CPNE4: variants seen among roughly 807,000 people sequenced by gnomAD.
The protein encoded by CPNE4 is copine 4, also known as copine-4.
In CPNE4, 25 loss-of-function variants were observed where a neutral mutation model predicts 67.9. The ratio of observed to expected loss-of-function variants is 0.37; its 90% CI spans 0.27 to 0.51. The LOEUF is 0.51. Among genes scored for constraint, CPNE4 ranks in the 20% least tolerant of loss-of-function variants. The pLI, the probability that CPNE4 is intolerant of heterozygous loss-of-function variation, is 0.93. For synonymous variants in CPNE4, 242 were observed against 244.9 expected (o/e 0.99, Z 0.11); for missense variants, 464 against 690.8 (o/e 0.67, Z 3.68).
intron 2 of CPNE4, among the ~76,000 whole-genome samples, chr3:131,872,195 T>G (rs62280914): frequency 0.2 from 29,938 of 150,438 alleles, 3,579 homozygotes; most frequent in Non-Finnish European, 0.27. Context: ...TGTGTGTGTG[T>G]AGAGAGAGAG....
At chr3:131,569,777 T>C (rs1937240569) in intron 10 of CPNE4, among the ~76,000 whole-genome samples, 1 of 151,876 alleles carries the variant, frequency 6.6e-6, no homozygotes, top group South Asian at 2.1e-4. Flanking sequence ...AAGGTCAGTC[T>C]GGGAGAAGTT....
At chr3:131,702,346 G>A (rs2081321302) in intron 3 of CPNE4, among the ~76,000 whole-genome samples, 1 of 152,176 alleles carries the variant, frequency 6.6e-6, no homozygotes, top group African/African-American at 2.4e-5. Flanking sequence ...TAAGAATAGA[G>A]TGGTAAGTAA....
intron 2 of CPNE4, among the ~76,000 whole-genome samples, chr3:131,780,175 A>G (rs1176288667): frequency 3.3e-5 from 5 of 152,274 alleles, no homozygotes; most frequent in African/African-American, 9.6e-5. Context: ...AAAAGTCAAA[A>G]AATAACAGAT....
chr3:131,788,283 A>C (rs980020860), intron 2 of CPNE4, among the ~76,000 whole-genome samples: 1 of 152,146 alleles, frequency 6.6e-6, no homozygotes, highest in Non-Finnish European at 1.5e-5. Context: ...CATATTCTTA[A>C]TAAATAAAGA....
chr3:131,815,325 A>T (rs897537940), intron 2 of CPNE4, among the ~76,000 whole-genome samples: 8 of 152,186 alleles, frequency 5.3e-5, no homozygotes, highest in Non-Finnish European at 1.0e-4. Context: ...ATGGGAAAAA[A>T]AATTCTTTGG....
chr3:131,820,163 A>T (rs1583264643), intron 2 of CPNE4, among the ~76,000 whole-genome samples: 1 of 152,336 alleles, frequency 6.6e-6, no homozygotes, highest in African/African-American at 2.4e-5. Context: ...TTCCCCTGAA[A>T]GCAGATTCTG....
intron 1 of CPNE4, among the ~76,000 whole-genome samples, chr3:131,995,135 C>T (rs2073258318): frequency 6.6e-6 from 1 of 152,120 alleles, no homozygotes; most frequent in South Asian, 2.1e-4. Context: ...CATGAGCCAC[C>T]ATGCCCAGCT....
chr3:131,953,245 A>ATAAAAAAAAAAAAAAAAT (rs767398343), intron 1 of CPNE4, among the ~76,000 whole-genome samples: 1 of 140,588 alleles, frequency 7.1e-6, no homozygotes, highest in Non-Finnish European at 1.6e-5. Context: ...CAATTAAAAA[A>ATAAAAAAAAAAAAAAAAT]AAAAAAAAAA....
At chr3:131,887,549 T>C (rs2107733890) in intron 2 of CPNE4, among the ~76,000 whole-genome samples, 1 of 152,326 alleles carries the variant, frequency 6.6e-6, no homozygotes, top group East Asian at 1.9e-4. Flanking sequence ...AGGAGGGCTA[T>C]GAAGATACTA....
intron 11 of CPNE4, among the ~76,000 whole-genome samples, chr3:131,558,653 T>A (rs948177081): frequency 2.0e-5 from 3 of 152,014 alleles, no homozygotes; most frequent in Non-Finnish European, 4.4e-5. Flanking sequence ...CACCATTTTC[T>A]CCTTTCTGTT....
At chr3:131,936,912 A>G (rs7622450) in intron 1 of CPNE4, among the ~76,000 whole-genome samples, 25,137 of 151,688 alleles carry the variant, frequency 0.17, 2,445 homozygotes, top group African/African-American at 0.28. Flanking sequence ...AGACACTAGA[A>G]GAGTACATAA....
chr3:131,809,567 A>G (rs1210889324), intron 2 of CPNE4, among the ~76,000 whole-genome samples: 1 of 152,138 alleles, frequency 6.6e-6, no homozygotes, highest in Admixed American at 6.6e-5. Context: ...TCAAAATATG[A>G]AGGCTCAAAC....
At chr3:131,626,924 G>C (rs1055561749) in intron 7 of CPNE4, among the ~76,000 whole-genome samples, 2 of 152,174 alleles carry the variant, frequency 1.3e-5, no homozygotes, top group African/African-American at 2.4e-5. Context: ...GCTGGGCACG[G>C]TGGCTCACGC....
intron 2 of CPNE4, among the ~76,000 whole-genome samples, chr3:131,886,710 A>AG (rs35229611): frequency 0.29 from 43,564 of 151,864 alleles, 7,250 homozygotes; most frequent in Non-Finnish European, 0.37. Context: ...ACCTGGATGT[A>AG]ACATGGAGTC....
chr3:131,585,589 T>C (rs1026961408), intron 8 of CPNE4, among the ~76,000 whole-genome samples: 13 of 152,304 alleles, frequency 8.5e-5, no homozygotes, highest in African/African-American at 2.9e-4. Flanking sequence ...CATTCTTACT[T>C]TTAATATTTA....
At chr3:131,638,856 C>T (rs556599905) in intron 7 of CPNE4, among the ~76,000 whole-genome samples, 15 of 152,080 alleles carry the variant, frequency 9.9e-5, no homozygotes, top group Non-Finnish European at 2.2e-4. Context: ...TGGAACTCAA[C>T]TCCAAAAGGA....
chr3:131,715,861 T>C (rs881514), intron 3 of CPNE4, among the ~76,000 whole-genome samples: 114,524 of 152,064 alleles, frequency 0.75, 43,538 homozygotes, highest in Non-Finnish European at 0.82. Flanking sequence ...GTACCCACTA[T>C]TGGATGTAGC....
At chr3:131,878,541 T>C (rs550302113) in intron 2 of CPNE4, among the ~76,000 whole-genome samples, 1 of 152,238 alleles carries the variant, frequency 6.6e-6, no homozygotes, top group African/African-American at 2.4e-5. Context: ...TTAATCTGGA[T>C]GCTGGTTTTA....
Position 131,535,093 on chromosome 3 carries a change from T to TATATGTTG in CPNE4, c.*94_*101dup. 1 of 1,235,586 alleles carries TATATGTTG rather than the reference T, an allele frequency of 8.1e-7. No homozygotes were observed. The highest frequency in any genetic ancestry group is 1.1e-6 in the Non-Finnish European group (1 of 900,130). The allele number at this position is 1,235,586 out of a possible 1,614,324, so 76.5% of individuals were successfully genotyped here. A position where few individuals can be genotyped will look rare whatever the true frequency, so the allele number is the denominator to read the frequency against. On this transcript the variant is annotated 3_prime_UTR_variant, in exon 16 of 16. Coordinates refer to ENST00000429747, the MANE Select transcript of CPNE4 (RefSeq NM_130808.3). ...CCAAAACGTGCTATTTTTAAATGTGTATATGTTGTTGGTTTTTTAAAGTAC... is the reference window on the plus strand; with the variant it reads ...CCAAAACGTGCTATTTTTAAATGTGTATATGTTGATATGTTGTTGGTTTTTTAAAGTAC...
Sources: gnomAD v4.1 joint callset for allele counts (sites outside exome capture counted in the v4.1 genomes callset) on GRCh38, gnomAD v4.1.1 for gene constraint, MANE v1.5 for transcripts, NCBI Gene and HGNC (gene_info 2026-07-23, HGNC 2026-07-21) for gene names.